Variants in BMPR1B observed in about 807,000 individuals in gnomAD.
BMPR1B encodes the protein bone morphogenetic protein receptor type-1B.
In BMPR1B, 12 loss-of-function variants were observed where a neutral mutation model predicts 59.1. That is an observed-to-expected ratio of 0.20 (90% CI 0.13 to 0.33). The LOEUF is 0.33. BMPR1B is among the 10% of genes least tolerant of loss of function. BMPR1B has a pLI of 1.00. For synonymous variants in BMPR1B, 237 were observed against 207.3 expected, an observed-to-expected ratio of 1.14 and a Z score of -1.23; for missense variants, 550 against 610.9, an observed-to-expected ratio of 0.90 and a Z score of 1.05.
In BMPR1B at chr4:95,123,801, T is replaced by A. The variant is rs758168560; in HGVS notation, c.350-9T>A. ...TCTTGATTATGGCTCTTTTTCTTTTTAATTTCAGATTTTGTTGATGGACCT... is the reference window on the plus strand; with the variant it reads ...TCTTGATTATGGCTCTTTTTCTTTTAAATTTCAGATTTTGTTGATGGACCT... On this transcript the variant is annotated splice_polypyrimidine_tract_variant and intron_variant, in intron 6 of 12. Coordinates refer to ENST00000515059, the MANE Select transcript of BMPR1B (RefSeq NM_001203.3). 1 of 1,589,976 alleles carries A rather than the reference T, an allele frequency of 6.3e-7. No homozygotes were observed. The highest frequency in any genetic ancestry group is 8.6e-7 in the Non-Finnish European group (1 of 1,160,964).
chr4:94,863,310 G>A (rs905241656), intron 1 of BMPR1B, among the ~76,000 whole-genome samples: 2 of 151,370 alleles, frequency 1.3e-5, no homozygotes, highest in African/African-American at 2.4e-5. Context: ...AAACCTGCAC[G>A]TGTACCCCTG....
chr4:95,090,845 T>A (rs886494888), intron 3 of BMPR1B, among the ~76,000 whole-genome samples: 1 of 152,142 alleles, frequency 6.6e-6, no homozygotes, highest in Non-Finnish European at 1.5e-5. Flanking sequence ...TTATATCAAA[T>A]TTTTAATGAA....
At chr4:94,817,089 A>G (rs1724040539) in intron 1 of BMPR1B, among the ~76,000 whole-genome samples, 1 of 152,166 alleles carries the variant, frequency 6.6e-6, no homozygotes, top group South Asian at 2.1e-4. Flanking sequence ...CCTCCCCTCC[A>G]GAGGATGCAG....
intron 2 of BMPR1B, among the ~76,000 whole-genome samples, chr4:94,923,062 A>G (rs896047310): frequency 4.6e-5 from 7 of 152,132 alleles, no homozygotes; most frequent in African/African-American, 9.7e-5. Flanking sequence ...ATTTTCCACC[A>G]TGGGTCTCTA....
intron 1 of BMPR1B, among the ~76,000 whole-genome samples, chr4:94,799,239 G>A (rs746387466): frequency 2.0e-5 from 3 of 150,002 alleles, no homozygotes; most frequent in Non-Finnish European, 4.4e-5. Flanking sequence ...GGGCTGCGTA[G>A]AATTCACAGA....
chr4:94,767,373 T>C (rs1362035584), intron 1 of BMPR1B, among the ~76,000 whole-genome samples: 1 of 149,414 alleles, frequency 6.7e-6, no homozygotes, highest in Non-Finnish European at 1.5e-5. Context: ...TAGGAATTAA[T>C]ATTGAATTTA....
intron 2 of BMPR1B, among the ~76,000 whole-genome samples, chr4:94,957,895 T>G (rs539078477): frequency 6.6e-6 from 1 of 151,100 alleles, no homozygotes; most frequent in African/African-American, 2.5e-5. Context: ...ATATTTGATA[T>G]GAAATAAGAA....
chr4:94,842,762 C>G (rs185251136), intron 1 of BMPR1B, among the ~76,000 whole-genome samples: 190 of 152,160 alleles, frequency 1.2e-3, no homozygotes, highest in Admixed American at 2.1e-3. Context: ...AACTCTTAAC[C>G]CCAGGTTTCC....
At position 94,819,129 on chromosome 4, in the gene BMPR1B, C is replaced by T. The variant is rs148271201; in HGVS notation, c.-182-56702C>T. Among the ~76,000 whole-genome samples the T allele has an allele frequency of 1.3e-3, 197 of 152,118 alleles. 1 individual carries two copies. The highest frequency in any genetic ancestry group is 4.7e-3 in the African/African-American group (193 of 41,480). ...CCAGCCAGGGTGACAGAGTGAGAAC[C>T]TATCTCAAATAAAATTTTTTTTTTT... On this transcript the variant is annotated intron_variant, in intron 1 of 12. Coordinates refer to ENST00000515059, the MANE Select transcript of BMPR1B (RefSeq NM_001203.3).
chr4:95,129,554 G>A (rs1311084180), intron 8 of BMPR1B, among the ~76,000 whole-genome samples: 1 of 152,156 alleles, frequency 6.6e-6, no homozygotes, highest in Admixed American at 6.5e-5. Context: ...GGAAGTGCAA[G>A]TATTCTACTC....
chr4:94,911,733 T>C (rs1181073533), intron 2 of BMPR1B, among the ~76,000 whole-genome samples: 3 of 152,178 alleles, frequency 2.0e-5, no homozygotes, highest in Non-Finnish European at 4.4e-5. Flanking sequence ...TTCAACCTTC[T>C]TTCTGCTTCA....
intron 2 of BMPR1B, among the ~76,000 whole-genome samples, chr4:94,919,928 A>G (rs1728628091): frequency 6.6e-6 from 1 of 152,172 alleles, no homozygotes; most frequent in South Asian, 2.1e-4. Context: ...TTTCTATCAT[A>G]TTCTTTATTC....
intron 3 of BMPR1B, among the ~76,000 whole-genome samples, chr4:95,045,080 TG>T (rs2149178397): frequency 6.6e-6 from 1 of 152,308 alleles, no homozygotes; most frequent in African/African-American, 2.4e-5. Flanking sequence ...AGGCAATAAC[TG>T]TTGTTATTAA....
intron 2 of BMPR1B, among the ~76,000 whole-genome samples, chr4:94,929,526 T>C (rs151056649): frequency 6.6e-6 from 1 of 152,076 alleles, no homozygotes; most frequent in African/African-American, 2.4e-5. Context: ...TTCTCAAAAC[T>C]GTGTTTTCTG....
intron 3 of BMPR1B, among the ~76,000 whole-genome samples, chr4:95,049,832 T>C (rs1366616391): frequency 6.6e-6 from 1 of 152,000 alleles, no homozygotes; most frequent in African/African-American, 2.4e-5. Flanking sequence ...TATATACTTA[T>C]TCTGTGGTGT....
chr4:95,092,558 A>G (rs114920832), intron 3 of BMPR1B, among the ~76,000 whole-genome samples: 196 of 152,262 alleles, frequency 1.3e-3, no homozygotes, highest in African/African-American at 4.4e-3. Flanking sequence ...AGCTTGAAAT[A>G]TATATACTAT....
At chr4:94,868,838 A>G (rs953301396) in intron 1 of BMPR1B, among the ~76,000 whole-genome samples, 4 of 152,206 alleles carry the variant, frequency 2.6e-5, no homozygotes, top group African/African-American at 9.7e-5. Flanking sequence ...TTTCACCTCA[A>G]GTATTCCCAG....
At chr4:94,841,297 G>C (rs1236872102) in intron 1 of BMPR1B, among the ~76,000 whole-genome samples, 1 of 148,212 alleles carries the variant, frequency 6.7e-6, no homozygotes, top group South Asian at 2.2e-4. Flanking sequence ...CACCCAGTTC[G>C]AGCTTCCTGG....
chr4:94,882,501 G>A (rs192744720), intron 2 of BMPR1B, among the ~76,000 whole-genome samples: 75 of 152,280 alleles, frequency 4.9e-4, no homozygotes, highest in African/African-American at 1.5e-3. Context: ...CTTCTACTGT[G>A]CTAAGCACTC....
Sources: gnomAD v4.1 joint callset for allele counts (sites outside exome capture counted in the v4.1 genomes callset) on GRCh38, gnomAD v4.1.1 for gene constraint, MANE v1.5 for transcripts, NCBI Gene and HGNC (gene_info 2026-07-23, HGNC 2026-07-21) for gene names.